Variants in C7orf57 observed in about 807,000 individuals in gnomAD.
C7orf57 encodes the protein chromosome 7 open reading frame 57, also known as uncharacterized protein C7orf57.
In C7orf57, 33 loss-of-function variants were observed where a neutral mutation model predicts 39.0. The ratio of observed to expected loss-of-function variants is 0.85; its 90% CI spans 0.64 to 1.13. C7orf57 has a LOEUF of 1.13. C7orf57 is among the 50% of genes most tolerant of loss of function. The pLI is 0.00. For missense variants in C7orf57, 346 were observed against 362.3 expected (o/e 0.95, Z 0.37); for synonymous variants, 124 against 137.1 (o/e 0.90, Z 0.67).
rs202124139 is a variant in C7orf57, at chr7:48,051,815, T to TTCTC, written c.606-883_606-880dup. Among the ~76,000 whole-genome samples, 8 of 70,426 alleles carry TTCTC rather than the reference T, an allele frequency of 1.1e-4. 1 individual carries two copies. The highest frequency in any genetic ancestry group is 1.8e-4 in the African/African-American group (4 of 22,038). The allele number at this position is 70,426 out of a possible 152,430, so 46.2% of individuals were successfully genotyped here. A position where few individuals can be genotyped will look rare whatever the true frequency, so the allele number is the denominator to read the frequency against. ...CTTTCTTTCCTTCCTTCCTTTTCTC[T>TTCTC]TCTCTTTCTTTCTTTCTTTCTTTCT... On this transcript the variant is annotated intron_variant, in intron 6 of 8. Transcript: ENST00000348904.
intron 5 of C7orf57, among the ~76,000 whole-genome samples, chr7:48,047,451 G>T (rs1790750430): frequency 6.6e-6 from 1 of 152,256 alleles, no homozygotes; most frequent in African/African-American, 2.4e-5. Flanking sequence ...AGCGTACGTG[G>T]AAGTTGTTGT....
intron 2 of C7orf57, among the ~76,000 whole-genome samples, chr7:48,037,488 C>CG (rs1306918085): frequency 6.6e-6 from 1 of 152,116 alleles, no homozygotes; most frequent in East Asian, 1.9e-4. Flanking sequence ...TGTGCCCCTG[C>CG]GGGTATGTGA....
At chr7:48,047,920 T>C (rs890587465) in intron 5 of C7orf57, among the ~76,000 whole-genome samples, 1 of 152,196 alleles carries the variant, frequency 6.6e-6, no homozygotes, top group African/African-American at 2.4e-5. Context: ...GTTGCACAAG[T>C]GACCAATTAC....
rs1583806312 is a variant in C7orf57, at chr7:48,043,641, A to T, written c.350+52A>T. 12 of 1,381,508 alleles carry T rather than the reference A, an allele frequency of 8.7e-6. No homozygotes were observed. The East Asian group carries it at 2.8e-4, about 32-fold the overall frequency. The allele number at this position is 1,381,508 out of a possible 1,614,324, so 85.6% of individuals were successfully genotyped here. Reference sequence around the variant, plus strand: ...TTGTTTATCTTTACAGGAAAAAAATAGCCCAATTTTAATTTTAAAAATACA... The same window carrying T: ...TTGTTTATCTTTACAGGAAAAAAATTGCCCAATTTTAATTTTAAAAATACA... On this transcript the variant is annotated intron_variant, in intron 4 of 8. Transcript: ENST00000348904.
intron 2 of C7orf57, among the ~76,000 whole-genome samples, chr7:48,039,167 C>T (rs1790472569): frequency 6.6e-6 from 1 of 152,114 alleles, no homozygotes; most frequent in Admixed American, 6.5e-5. Flanking sequence ...AGATTTTCCC[C>T]ACAAGAGACA....
chr7:48,042,590 T>C (rs937544137), intron 3 of C7orf57, among the ~76,000 whole-genome samples: 1 of 152,068 alleles, frequency 6.6e-6, no homozygotes, highest in Non-Finnish European at 1.5e-5. Flanking sequence ...AGAATATTGT[T>C]TGGGGAGCCT....
intron 6 of C7orf57, 87 bp downstream of exon 6, chr7:48,050,064 CA>C: frequency 1.2e-6 from 1 of 861,040 alleles, no homozygotes; most frequent in South Asian, 1.4e-5. Flanking sequence ...GCGCTAGTGA[CA>C]GCATCCACAC....
At chr7:48,057,063 CTGT>C (rs1791136468) in intron 8 of C7orf57, among the ~76,000 whole-genome samples, 1 of 126,080 alleles carries the variant, frequency 7.9e-6, no homozygotes, top group Non-Finnish European at 1.8e-5. Flanking sequence ...TGCCATATAT[CTGT>C]TTTTTTTTTT....
At position 48,046,530 on chromosome 7, in the gene C7orf57, T is replaced by C; in HGVS notation, c.421T>C (p.Tyr141His). 2 of 1,613,896 alleles carry C rather than the reference T, an allele frequency of 1.2e-6. No homozygotes were observed. Among genetic ancestry groups the C allele is most frequent in the Non-Finnish European group, 1.7e-6 (2 of 1,179,866 alleles). Residue 141 changes from tyrosine (Y) to histidine (H), a missense_variant, in exon 5 of 9, where the codon TAT becomes CAT. Transcript: ENST00000348904. ...TAACCCCGATCAAGCCAATGGTAGC[T>C]ATGCATCCAGAAGAGGGCCCTTCGA... is the stretch of plus-strand genomic sequence containing the variant. ...EFNPDQANGS[Y>H]ASRRGPFDFD...
At chr7:48,053,199 C>G in intron 7 of C7orf57, 1 of 528,170 alleles carries the variant, frequency 1.9e-6, no homozygotes. Context: ...TTTGATATAA[C>G]AAACAAATAA....
chr7:48,056,331 T>A (rs1042248055), intron 8 of C7orf57, among the ~76,000 whole-genome samples: 1 of 152,194 alleles, frequency 6.6e-6, no homozygotes, highest in African/African-American at 2.4e-5. Context: ...TGCTACTGAG[T>A]TGAGTTCCTT....
chr7:48,047,707 TA>T (rs778584084), intron 5 of C7orf57, among the ~76,000 whole-genome samples: 8 of 152,190 alleles, frequency 5.3e-5, no homozygotes, highest in Non-Finnish European at 1.0e-4. Context: ...TTTTTTATTT[TA>T]TTTTTTTAAT....
intron 8 of C7orf57, among the ~76,000 whole-genome samples, chr7:48,055,400 G>A (rs1791089048): frequency 6.6e-6 from 1 of 151,996 alleles, no homozygotes; most frequent in African/African-American, 2.4e-5. Flanking sequence ...TATACATTGT[G>A]GCATCATTAA....
chr7:48,036,899 GGAA>G (rs995948875), intron 2 of C7orf57, among the ~76,000 whole-genome samples: 3 of 151,776 alleles, frequency 2.0e-5, no homozygotes, highest in Non-Finnish European at 4.4e-5. Flanking sequence ...GAGAGGGGAA[GGAA>G]GAAGAAGTCT....
chr7:48,051,233 G>A (rs1790864406), intron 6 of C7orf57, among the ~76,000 whole-genome samples: 1 of 151,966 alleles, frequency 6.6e-6, no homozygotes, highest in South Asian at 2.1e-4. Flanking sequence ...CCAGGCTGGA[G>A]TGCAGCGGTA....
At chr7:48,038,518 G>C (rs1284987056) in intron 2 of C7orf57, among the ~76,000 whole-genome samples, 1 of 152,224 alleles carries the variant, frequency 6.6e-6, no homozygotes, top group East Asian at 1.9e-4. Context: ...TGGAGACCCA[G>C]GGAAGAGCTG....
chr7:48,038,707 C>G (rs899413115), intron 2 of C7orf57, among the ~76,000 whole-genome samples: 3 of 152,166 alleles, frequency 2.0e-5, no homozygotes, highest in African/African-American at 7.2e-5. Flanking sequence ...GACACAGCCC[C>G]AGGAGTTCTT....
At chr7:48,050,312 G>C (rs1342617560) in intron 6 of C7orf57, among the ~76,000 whole-genome samples, 1 of 152,202 alleles carries the variant, frequency 6.6e-6, no homozygotes, top group East Asian at 1.9e-4. Flanking sequence ...TGCTTGTCCT[G>C]CATGTAGGGG....
At chr7:48,046,327 G>T in intron 4 of C7orf57, 133 bp from the exon 5 acceptor site, 1 of 749,100 alleles carries the variant, frequency 1.3e-6, no homozygotes, top group Non-Finnish European at 2.1e-6. Context: ...AGAAAGGAAA[G>T]GAGGGAGACA....
Sources: gnomAD v4.1 joint callset for allele counts (sites outside exome capture counted in the v4.1 genomes callset) on GRCh38, gnomAD v4.1.1 for gene constraint, MANE v1.5 for transcripts, NCBI Gene and HGNC (gene_info 2026-07-23, HGNC 2026-07-21) for gene names.